The following CNTNAP5 variants were observed in gnomAD, a reference collection of about 807,000 sequenced individuals.
CNTNAP5 encodes the protein contactin associated protein family member 5, also known as contactin-associated protein-like 5.
Under a neutral mutation model 150.2 loss-of-function variants are expected in CNTNAP5, and 72 were observed. The ratio of observed to expected loss-of-function variants is 0.48; its 90% confidence interval spans 0.40 to 0.58. CNTNAP5 has a LOEUF of 0.58. Among genes scored for constraint, CNTNAP5 ranks in the 20% least tolerant of loss-of-function variants. The probability of loss-of-function intolerance (pLI) is 0.00; values close to 1 mark genes in which losing one functional copy is unlikely to be tolerated. For synonymous variants in CNTNAP5, 672 were observed against 619.8 expected, an observed-to-expected ratio of 1.08 and a Z score of -1.25; for missense variants, 1,636 against 1,626.2, an observed-to-expected ratio of 1.01 and a Z score of -0.10.
At chr2:124,345,452 C>T (rs1689715454) in intron 3 of CNTNAP5, among the ~76,000 whole-genome samples, 1 of 152,076 alleles carries the variant, frequency 6.6e-6, no homozygotes, top group Non-Finnish European at 1.5e-5. Flanking sequence ...AGGTGGAGAC[C>T]TGCTGTCATT....
intron 10 of CNTNAP5, among the ~76,000 whole-genome samples, chr2:124,538,341 G>C: frequency 6.6e-6 from 1 of 152,102 alleles, no homozygotes; most frequent in Non-Finnish European, 1.5e-5. Flanking sequence ...ATCCAGGCAT[G>C]GTGGCGCACG....
At chr2:124,642,394 G>A (rs1389900235) in intron 12 of CNTNAP5, among the ~76,000 whole-genome samples, 1 of 152,122 alleles carries the variant, frequency 6.6e-6, no homozygotes, top group African/African-American at 2.4e-5. Context: ...CTTCAGAAAT[G>A]CCGAAACTAA....
chr2:124,643,489 G>C (rs1678137266), intron 12 of CNTNAP5, among the ~76,000 whole-genome samples: 1 of 148,376 alleles, frequency 6.7e-6, no homozygotes. Context: ...TTCTATAGTG[G>C]AAAAAAAAAA....
intron 1 of CNTNAP5, among the ~76,000 whole-genome samples, chr2:124,150,295 A>T (rs1478429230): frequency 6.6e-6 from 1 of 152,220 alleles, no homozygotes; most frequent in African/African-American, 2.4e-5. Context: ...AACATGCCCA[A>T]GGTGTATATC....
chr2:124,245,893 G>T (rs752087837), intron 3 of CNTNAP5, among the ~76,000 whole-genome samples: 19 of 151,774 alleles, frequency 1.3e-4, no homozygotes, highest in Admixed American at 3.9e-4. Context: ...ACCACATCTG[G>T]CTAATTCTTT....
chr2:124,599,281 C>T (rs1696922561), intron 11 of CNTNAP5, among the ~76,000 whole-genome samples: 2 of 152,088 alleles, frequency 1.3e-5, no homozygotes, highest in Admixed American at 6.5e-5. Context: ...CTCAATACCA[C>T]ATGTAATTTT....
chr2:124,106,723 T>C (rs1683178991), intron 1 of CNTNAP5, among the ~76,000 whole-genome samples: 1 of 152,182 alleles, frequency 6.6e-6, no homozygotes, highest in South Asian at 2.1e-4. Flanking sequence ...TGGCAAATTA[T>C]AGAAACTGAG....
chr2:124,394,468 AGACATCCCTG>A (rs1006188215), intron 3 of CNTNAP5, among the ~76,000 whole-genome samples: 3 of 152,144 alleles, frequency 2.0e-5, no homozygotes, highest in African/African-American at 4.8e-5. Context: ...TGAATGAATG[AGACATCCCTG>A]GACATCCCTG....
At chr2:124,586,148 C>T in intron 11 of CNTNAP5, among the ~76,000 whole-genome samples, 1 of 152,160 alleles carries the variant, frequency 6.6e-6, no homozygotes, top group African/African-American at 2.4e-5. Context: ...GACTTCCTCA[C>T]TTAGACTCCC....
At chr2:124,267,966 G>A (rs1687655394) in intron 3 of CNTNAP5, among the ~76,000 whole-genome samples, 1 of 152,172 alleles carries the variant, frequency 6.6e-6, no homozygotes, top group South Asian at 2.1e-4. Context: ...AGAGGGAGGG[G>A]TGCAGATGGA....
chr2:124,482,108 A>C (rs1300950380), intron 7 of CNTNAP5, among the ~76,000 whole-genome samples: 1 of 152,190 alleles, frequency 6.6e-6, no homozygotes, highest in East Asian at 1.9e-4. Flanking sequence ...CATCCAACTA[A>C]TGAGCTGAGC....
At chr2:124,908,423 G>T (rs969785274) in intron 22 of CNTNAP5, among the ~76,000 whole-genome samples, 1 of 151,896 alleles carries the variant, frequency 6.6e-6, no homozygotes, top group Non-Finnish European at 1.5e-5. Flanking sequence ...AACAGAAAAA[G>T]GTCATGATCT....
intron 3 of CNTNAP5, among the ~76,000 whole-genome samples, chr2:124,316,355 T>C (rs918879690): frequency 6.6e-6 from 1 of 152,208 alleles, no homozygotes; most frequent in Non-Finnish European, 1.5e-5. Flanking sequence ...AGTTGCCTAA[T>C]ATCTCTTTAA....
Position 124,025,440 on chromosome 2 carries a change from G to A in CNTNAP5, c.-211G>A. The A allele has an allele frequency of 1.7e-6, 1 of 590,438 alleles. No homozygotes were observed. The highest frequency in any genetic ancestry group is 3.0e-6 in the Non-Finnish European group (1 of 330,340). 36.6% of individuals were successfully genotyped at this position (590,438 alleles called of 1,614,324 possible). Reference sequence around the variant, plus strand: ...GCGAGTCCAGCTAGCGGCTGTTGCGGGGACCGTAGCCCCAGCTGCAGCTCC... The same window carrying A: ...GCGAGTCCAGCTAGCGGCTGTTGCGAGGACCGTAGCCCCAGCTGCAGCTCC... On this transcript the variant is annotated 5_prime_UTR_variant, in exon 1 of 24. Coordinates refer to ENST00000682447, the MANE Select transcript of CNTNAP5 (RefSeq NM_001367498.1).
chr2:124,511,662 G>A (rs1042875399), intron 8 of CNTNAP5, among the ~76,000 whole-genome samples: 3 of 152,166 alleles, frequency 2.0e-5, no homozygotes, highest in Non-Finnish European at 4.4e-5. Flanking sequence ...TATCTTCAAA[G>A]AAATCATCAA....
intron 1 of CNTNAP5, among the ~76,000 whole-genome samples, chr2:124,102,657 A>G (rs771908687): frequency 1.3e-5 from 2 of 152,304 alleles, no homozygotes; most frequent in East Asian, 1.9e-4. Context: ...TCCAGTTCCA[A>G]TAAAGGAGTC....
At chr2:124,156,596 C>T (rs566462490) in intron 1 of CNTNAP5, among the ~76,000 whole-genome samples, 6 of 152,196 alleles carry the variant, frequency 3.9e-5, no homozygotes, top group South Asian at 2.1e-4. Flanking sequence ...TCCAGGTTCA[C>T]GCGATTCTCC....
chr2:124,836,216 C>T lies in CNTNAP5; in HGVS notation c.3218-29090C>T, dbSNP rs927716449. 5.9e-5 allele frequency among the ~76,000 whole-genome samples: 9 copies of T among 152,232 alleles called. No individual in the cohort carries two copies. The East Asian group carries it at 1.4e-3, about 23-fold the overall frequency. On this transcript the variant is annotated intron_variant, in intron 19 of 23. Transcript: ENST00000682447. ...TTAGAAAGTTATTTACCTTGGAAAG[C>T]TCATGAAAGATTCTGAAGTTAATGA...
chr2:124,119,644 A>G (rs1486013038), intron 1 of CNTNAP5, among the ~76,000 whole-genome samples: 1 of 152,322 alleles, frequency 6.6e-6, no homozygotes, highest in African/African-American at 2.4e-5. Flanking sequence ...ATAGTGGCTC[A>G]TGCCTGAGAT....
Sources: gnomAD v4.1 joint callset for allele counts (sites outside exome capture counted in the v4.1 genomes callset) on GRCh38, gnomAD v4.1.1 for gene constraint, MANE v1.5 for transcripts, NCBI Gene and HGNC (gene_info 2026-07-23, HGNC 2026-07-21) for gene names.